The following TMEM44 variants were observed in gnomAD, a reference collection of about 807,000 sequenced individuals.
TMEM44 encodes transmembrane protein 44.
A neutral mutation model predicts 47.8 loss-of-function variants in TMEM44; 43 were observed. The ratio of observed to expected loss-of-function variants is 0.90; its 90% CI spans 0.70 to 1.16. The LOEUF is 1.16. TMEM44 is among the 50% of genes most tolerant of loss of function. TMEM44 has a pLI of 0.00. For missense variants in TMEM44, 568 were observed against 555.2 expected, an observed-to-expected ratio of 1.02 and a Z score of -0.23; for synonymous variants, 277 against 238.8, an observed-to-expected ratio of 1.16 and a Z score of -1.48.
At chr3:194,620,289 C>CA (rs752649203) in intron 5 of TMEM44, among the ~76,000 whole-genome samples, 9,516 of 53,790 alleles carry the variant, frequency 0.18, 621 homozygotes, top group African/African-American at 0.2. Context: ...AACTCCGACT[C>CA]AAAAAAAAAA....
At chr3:194,630,016 A>G (rs1343183938) in intron 1 of TMEM44, among the ~76,000 whole-genome samples, 2 of 80,872 alleles carry the variant, frequency 2.5e-5, no homozygotes, top group African/African-American at 1.0e-4. Context: ...CTGCCTCCAG[A>G]AGGGGCTGGC....
In TMEM44 at chr3:194,625,902, T is replaced by G; in HGVS notation, c.353A>C (p.Asn118Thr). The change falls in exon 3 of 10, where the codon AAT becomes ACT. Residue 118 changes from asparagine (N) to threonine (T), a missense_variant. Physicochemically the swap from Asn to Thr is moderately conservative, Grantham distance 65. Coordinates refer to ENST00000347147, the MANE Select transcript of TMEM44 (RefSeq NM_001011655.3). ...AAAGACAGCCACACACTCACCTGAA[T>G]TAGACTTGAATTTGGATCCACAGAC... ...FPVCGSKFKS[N>T]SDREARERKR... The G allele has an allele frequency of 6.2e-7, 1 of 1,612,604 alleles. No homozygotes were observed. Among genetic ancestry groups the G allele is most frequent in the Non-Finnish European group, 8.5e-7 (1 of 1,178,716 alleles).
At chr3:194,603,357 G>A (rs925540595) in intron 9 of TMEM44, among the ~76,000 whole-genome samples, 1 of 152,200 alleles carries the variant, frequency 6.6e-6, no homozygotes. Context: ...GTGCTCCTCG[G>A]GGGGAGAAAA....
intron 9 of TMEM44, among the ~76,000 whole-genome samples, chr3:194,601,063 T>C (rs547877961): frequency 6.6e-6 from 1 of 152,030 alleles, no homozygotes; most frequent in Non-Finnish European, 1.5e-5. Flanking sequence ...CTTCTAAAAA[T>C]ATATTCCTTT....
At position 194,588,243 on chromosome 3, in the gene TMEM44, G is replaced by C; in HGVS notation, c.*286C>G. 2.7e-6 allele frequency: 1 copy of C among 372,088 alleles called. No homozygotes were observed. The highest frequency in any genetic ancestry group is 4.9e-6 in the Non-Finnish European group (1 of 204,882). 23.0% of individuals were successfully genotyped at this position (372,088 alleles called of 1,614,324 possible). On this transcript the variant is annotated 3_prime_UTR_variant, in exon 10 of 10. Coordinates refer to ENST00000347147, the MANE Select transcript of TMEM44 (RefSeq NM_001011655.3). The stretch of plus-strand genomic sequence containing the variant: ...CAAGGGAATGAAGGGAAAAGGAAGA[G>C]CGGGTCTGAGATCCTTTGGATTATC...
intron 9 of TMEM44, chr3:194,592,933 A>C (rs913954688): frequency 1.5e-6 from 2 of 1,350,184 alleles, no homozygotes; most frequent in African/African-American, 2.9e-5. Flanking sequence ...TTTTTACTGA[A>C]GGAATTTGTC....
intron 1 of TMEM44, among the ~76,000 whole-genome samples, chr3:194,629,498 CGTT>C (rs1296108989): frequency 1.3e-5 from 2 of 151,768 alleles, no homozygotes; most frequent in Admixed American, 6.6e-5. Flanking sequence ...CTCTGAAATA[CGTT>C]GTTGTACATG....
At position 194,623,089 on chromosome 3, in the gene TMEM44, C is replaced by T. The variant is rs1716738871; in HGVS notation, c.612+135G>A. On this transcript the variant is annotated intron_variant, in intron 5 of 9. Transcript: ENST00000347147. ...CCTTGCTGTCATACACACTAACGCTCTTCAGGAAAAGCTGAGCCCATGTCC... is the reference window on the plus strand; with the variant it reads ...CCTTGCTGTCATACACACTAACGCTTTTCAGGAAAAGCTGAGCCCATGTCC... 4.8e-6 allele frequency: 4 copies of T among 835,990 alleles called. No homozygotes were observed. In the South Asian group the frequency reaches 7.9e-5, roughly 16 times the overall value. The allele number at this position is 835,990 out of a possible 1,614,324, so 51.8% of individuals were successfully genotyped here. A position where few individuals can be genotyped will look rare whatever the true frequency, so the allele number is the denominator to read the frequency against.
At chr3:194,619,632 C>A (rs1716309422) in intron 5 of TMEM44, among the ~76,000 whole-genome samples, 1 of 152,230 alleles carries the variant, frequency 6.6e-6, no homozygotes, top group South Asian at 2.1e-4. Context: ...CCTCAGCAAC[C>A]TCACCATGGC....
At chr3:194,597,649 C>CAAAA (rs532223669) in intron 9 of TMEM44, among the ~76,000 whole-genome samples, 6 of 99,948 alleles carry the variant, frequency 6.0e-5, no homozygotes, top group African/African-American at 2.1e-4. Context: ...GACTCTGTCT[C>CAAAA]AAAAAAAAAA....
Position 194,617,247 on chromosome 3 carries a change from G to A in TMEM44, c.635C>T (p.Ser212Phe). Reference protein sequence around the residue: ...SRICRGKTFPSIHLWTRLLSA... With the variant: ...SRICRGKTFPFIHLWTRLLSA... Reference sequence around the variant, plus strand: ...CAGGAGCCGGGTCCACAGGTGGATGGAGGGAAATGTCTTCCCCCGGCACTG... The same window carrying A: ...CAGGAGCCGGGTCCACAGGTGGATGAAGGGAAATGTCTTCCCCCGGCACTG... The change falls in exon 6 of 10, where the codon TCC becomes TTC. Residue 212 changes from serine (S) to phenylalanine (F), a missense_variant. Physicochemically the swap from Ser to Phe is radical, Grantham distance 155. Transcript: ENST00000347147. The A allele has an allele frequency of 6.5e-7, 1 of 1,544,116 alleles. No individual in the cohort carries two copies. The highest frequency in any genetic ancestry group is 8.7e-7 in the Non-Finnish European group (1 of 1,143,306).
At chr3:194,617,644 T>C in intron 5 of TMEM44, 1 of 703,822 alleles carries the variant, frequency 1.4e-6, no homozygotes, top group East Asian at 2.7e-5. Flanking sequence ...ACCATCTCAG[T>C]GCCCAGCACC....
In TMEM44 at chr3:194,611,192, C is replaced by T. The variant is rs753908362; in HGVS notation, c.913-172G>A. ...ATAAGATGTGTCTTATCTTTCTCTT[C>T]GAGGCCACAGTCATTTAGTGTTTCC... On this transcript the variant is annotated intron_variant, in intron 7 of 9. Coordinates refer to ENST00000347147, the MANE Select transcript of TMEM44 (RefSeq NM_001011655.3). The surrounding 1 kb of genome is among the most constrained non-coding windows in gnomAD (Gnocchi z 4.2). 7.2e-5 allele frequency among the ~76,000 whole-genome samples: 11 copies of T among 152,170 alleles called. No homozygotes were observed. The highest frequency in any genetic ancestry group is 1.3e-4 in the Admixed American group (2 of 15,276).
At position 194,604,335 on chromosome 3, in the gene TMEM44, C is replaced by T; in HGVS notation, c.1128G>A (p.Val376=). The part of the protein sequence containing the change: ...YPPVQVIRAR[V]SSGSSSEVSS... Reference sequence around the variant, plus strand: ...AGACCTCAGAGGAGCTGCCGGAAGACACCCGGGCCCGGATGACCTGAACGG... The same window carrying T: ...AGACCTCAGAGGAGCTGCCGGAAGATACCCGGGCCCGGATGACCTGAACGG... Residue 376 remains valine (V), a synonymous_variant, in exon 9 of 10, where the codon GTG becomes GTA. Coordinates refer to ENST00000347147, the MANE Select transcript of TMEM44 (RefSeq NM_001011655.3). 1.3e-6 allele frequency: 2 copies of T among 1,577,380 alleles called. No individual in the cohort carries two copies. Among genetic ancestry groups the T allele is most frequent in the Non-Finnish European group, 1.7e-6 (2 of 1,162,084 alleles).
Position 194,617,218 on chromosome 3 carries a change from C to G in TMEM44, c.664G>C (p.Ala222Pro), listed in dbSNP as rs1274691012. Residue 222 changes from alanine to proline, a missense_variant, in exon 6 of 10, where the codon GCC (alanine) becomes CCC (proline). By Grantham distance (27) the Ala-to-Pro change is conservative (BLOSUM62 -1). Coordinates refer to ENST00000347147, the MANE Select transcript of TMEM44 (RefSeq NM_001011655.3). ...GAGGCATAGAGGAGGCCAGCCAGGG[C>G]CGACAGGAGCCGGGTCCACAGGTGG... ...SIHLWTRLLSALAGLLYASAI... is the reference protein window; with the variant it reads ...SIHLWTRLLSPLAGLLYASAI... 2 of 1,551,784 alleles carry G rather than the reference C, an allele frequency of 1.3e-6. No homozygotes were observed. Among genetic ancestry groups the G allele is most frequent in the South Asian group, 2.4e-5 (2 of 84,022 alleles).
Position 194,610,898 on chromosome 3 carries a change from T to C in TMEM44, c.1017+18A>G, listed in dbSNP as rs780965126. The C allele has an allele frequency of 5.6e-6, 9 of 1,608,974 alleles. No homozygotes were observed. In the Middle Eastern group the frequency reaches 6.6e-4, roughly 119 times the overall value. The stretch of plus-strand genomic sequence containing the variant: ...TCCCATCCTCTCAGACACCTGGCCA[T>C]GACCGATGGCCACTCACCTGCTGCA... On this transcript the variant is annotated intron_variant, in intron 8 of 9. Coordinates refer to ENST00000347147, the MANE Select transcript of TMEM44 (RefSeq NM_001011655.3).
At chr3:194,629,278 C>A (rs938987300) in intron 1 of TMEM44, among the ~76,000 whole-genome samples, 13 of 152,220 alleles carry the variant, frequency 8.5e-5, no homozygotes, top group African/African-American at 2.9e-4. Context: ...TTCTTCTAAA[C>A]CATCTGTGAA....
intron 9 of TMEM44, among the ~76,000 whole-genome samples, chr3:194,603,688 A>G (rs544069290): frequency 6.6e-6 from 1 of 151,968 alleles, no homozygotes; most frequent in African/African-American, 2.4e-5. Flanking sequence ...GTGAGCCACC[A>G]CACCCAGCCA....
chr3:194,593,599 C>T (rs1229250957), intron 9 of TMEM44, among the ~76,000 whole-genome samples: 2 of 152,184 alleles, frequency 1.3e-5, no homozygotes, highest in Non-Finnish European at 2.9e-5. Flanking sequence ...GCAGGCATCA[C>T]GTCTGCCCTT....
Sources: gnomAD v4.1 joint callset for allele counts (sites outside exome capture counted in the v4.1 genomes callset) on GRCh38, gnomAD v4.1.1 for gene constraint, Gnocchi (gnomAD v3.1) non-coding constraint, MANE v1.5 for transcripts, NCBI Gene and HGNC (gene_info 2026-07-23, HGNC 2026-07-21) for gene names.